The following MAGI3 variants were observed in gnomAD, a reference collection of about 807,000 sequenced individuals.
MAGI3 encodes membrane associated guanylate kinase, WW and PDZ domain containing 3, also known as membrane-associated guanylate kinase, WW and PDZ domain-containing protein 3.
Under a neutral mutation model 121.8 loss-of-function variants are expected in MAGI3, and 43 were observed. That is an observed-to-expected ratio of 0.35 (90% CI 0.28 to 0.46). MAGI3 has a LOEUF of 0.46. MAGI3 is among the 20% of genes least tolerant of loss of function. The probability of loss-of-function intolerance (pLI) is 1.00; values close to 1 mark genes in which losing one functional copy is unlikely to be tolerated. For synonymous variants in MAGI3, 553 were observed against 639.3 expected (o/e 0.86, Z 2.04); for missense variants, 1,547 against 1,797.3 (o/e 0.86, Z 2.52).
chr1:113,579,058 A>G (rs914779284), intron 2 of MAGI3, among the ~76,000 whole-genome samples: 49 of 152,340 alleles, frequency 3.2e-4, no homozygotes, highest in Admixed American at 2.4e-3. Context: ...TACAGTAATA[A>G]TAAGAGCATA....
chr1:113,521,490 C>T (rs1413036609), intron 1 of MAGI3, among the ~76,000 whole-genome samples: 3 of 151,316 alleles, frequency 2.0e-5, no homozygotes, highest in Non-Finnish European at 2.9e-5. Context: ...TCACTCAGCT[C>T]TGCCTTCCGG....
chr1:113,395,952 C>A (rs1050605183), intron 1 of MAGI3, among the ~76,000 whole-genome samples: 1 of 151,996 alleles, frequency 6.6e-6, no homozygotes, highest in Non-Finnish European at 1.5e-5. Context: ...ACTCTGTGTT[C>A]CTGGGACGTA....
At chr1:113,506,810 A>AC (rs1570771284) in intron 1 of MAGI3, among the ~76,000 whole-genome samples, 1 of 152,116 alleles carries the variant, frequency 6.6e-6, no homozygotes, top group Non-Finnish European at 1.5e-5. Context: ...TGCCTGGCAC[A>AC]CCGGCATGAA....
At chr1:113,428,374 C>G (rs926582163) in intron 1 of MAGI3, among the ~76,000 whole-genome samples, 4 of 152,108 alleles carry the variant, frequency 2.6e-5, no homozygotes, top group Non-Finnish European at 4.4e-5. Context: ...TCATTCAGCT[C>G]TATTTATTGA....
intron 2 of MAGI3, among the ~76,000 whole-genome samples, chr1:113,562,046 A>G (rs1175092623): frequency 1.3e-5 from 2 of 152,224 alleles, no homozygotes; most frequent in East Asian, 1.9e-4. Context: ...ATACCTAGAA[A>G]TACAGCTAAC....
At chr1:113,510,663 A>G (rs1289715092) in intron 1 of MAGI3, among the ~76,000 whole-genome samples, 1 of 152,152 alleles carries the variant, frequency 6.6e-6, no homozygotes, top group African/African-American at 2.4e-5. Context: ...AATATCTCCA[A>G]CATCTTATGT....
At chr1:113,457,131 C>A (rs572566539) in intron 1 of MAGI3, among the ~76,000 whole-genome samples, 2 of 152,072 alleles carry the variant, frequency 1.3e-5, no homozygotes, top group African/African-American at 4.8e-5. Context: ...AAAGTTGGCT[C>A]GCTAGTACGC....
chr1:113,414,369 G>T (rs1260775747), intron 1 of MAGI3, among the ~76,000 whole-genome samples: 1 of 152,128 alleles, frequency 6.6e-6, no homozygotes, highest in Non-Finnish European at 1.5e-5. Flanking sequence ...CCAGGCTTTG[G>T]TATCAGGATG....
intron 16 of MAGI3, among the ~76,000 whole-genome samples, chr1:113,669,702 G>A (rs2101016991): frequency 6.6e-6 from 1 of 152,188 alleles, no homozygotes; most frequent in Non-Finnish European, 1.5e-5. Context: ...ACTAATTTTT[G>A]TATTTTTAGT....
At chr1:113,679,273 A>G (rs1648068357) in intron 19 of MAGI3, among the ~76,000 whole-genome samples, 1 of 151,854 alleles carries the variant, frequency 6.6e-6, no homozygotes, top group Non-Finnish European at 1.5e-5. Flanking sequence ...CCCATCTTGT[A>G]TTCCCGTGTC....
intron 1 of MAGI3, among the ~76,000 whole-genome samples, chr1:113,441,137 C>A (rs2101457580): frequency 6.6e-6 from 1 of 152,256 alleles, no homozygotes; most frequent in South Asian, 2.1e-4. Context: ...TCAATGTCAA[C>A]TTCCGGAAGA....
chr1:113,650,386 A>G (rs1653091624), intron 13 of MAGI3, among the ~76,000 whole-genome samples: 1 of 152,220 alleles, frequency 6.6e-6, no homozygotes, highest in Non-Finnish European at 1.5e-5. Context: ...TTTCTCTTAA[A>G]TGTCAGATTT....
intron 6 of MAGI3, among the ~76,000 whole-genome samples, chr1:113,596,032 AAATACT>A (rs11272827): frequency 0.75 from 113,148 of 150,204 alleles, 43,301 homozygotes; most frequent in African/African-American, 0.84. Context: ...CCCTGTCTCA[AAATACT>A]AATACTAATA....
At chr1:113,479,038 G>A (rs1196744094) in intron 1 of MAGI3, among the ~76,000 whole-genome samples, 1 of 152,218 alleles carries the variant, frequency 6.6e-6, no homozygotes, top group Admixed American at 6.5e-5. Context: ...GGCTCTGTGG[G>A]CGTGGGAGCT....
intron 1 of MAGI3, among the ~76,000 whole-genome samples, chr1:113,455,860 AT>A (rs1654726324): frequency 6.6e-6 from 1 of 152,112 alleles, no homozygotes; most frequent in Non-Finnish European, 1.5e-5. Context: ...TGTTTTGCTT[AT>A]TCTTGCCTAG....
At chr1:113,504,206 CAAAGAA>C (rs1657196896) in intron 1 of MAGI3, among the ~76,000 whole-genome samples, 1 of 151,016 alleles carries the variant, frequency 6.6e-6, no homozygotes, top group South Asian at 2.1e-4. Flanking sequence ...AGAAACTAGA[CAAAGAA>C]AAAAAGAATT....
chr1:113,400,372 A>T (rs1011396892), intron 1 of MAGI3, among the ~76,000 whole-genome samples: 4 of 152,132 alleles, frequency 2.6e-5, no homozygotes, highest in African/African-American at 9.7e-5. Context: ...GCCAAGTGTC[A>T]TCTGGTAGTT....
chr1:113,598,402 T>C (rs1428458636), intron 6 of MAGI3, among the ~76,000 whole-genome samples: 1 of 152,074 alleles, frequency 6.6e-6, no homozygotes, highest in Non-Finnish European at 1.5e-5. Flanking sequence ...TGGATAAAAA[T>C]TCACAAACCA....
intron 1 of MAGI3, among the ~76,000 whole-genome samples, chr1:113,427,282 A>G (rs537244688): frequency 6.6e-6 from 1 of 152,236 alleles, no homozygotes; most frequent in Non-Finnish European, 1.5e-5. Flanking sequence ...GATGCATCTC[A>G]GGAGAGACGC....
Sources: gnomAD v4.1 joint callset for allele counts (sites outside exome capture counted in the v4.1 genomes callset) on GRCh38, gnomAD v4.1.1 for gene constraint, MANE v1.5 for transcripts, NCBI Gene and HGNC (gene_info 2026-07-23, HGNC 2026-07-21) for gene names.